Variants in FRMD6 observed in about 807,000 individuals in gnomAD.
FRMD6 encodes FERM domain-containing protein 6.
In FRMD6, 37 loss-of-function variants were observed where a neutral mutation model predicts 73.2. The ratio of observed to expected loss-of-function variants is 0.51; its 90% CI spans 0.39 to 0.66. The LOEUF (loss-of-function observed/expected upper bound fraction) is 0.66. Ranked by LOEUF, FRMD6 falls within the 30% of genes least tolerant of loss-of-function variation. FRMD6 has a pLI of 0.00. For missense variants in FRMD6, 714 were observed against 780.5 expected (o/e 0.91, Z 1.02); for synonymous variants, 273 against 282.2 (o/e 0.97, Z 0.33).
At chr14:51,526,005 A>C (rs1885235001) in intron 1 of FRMD6, among the ~76,000 whole-genome samples, 2 of 152,192 alleles carry the variant, frequency 1.3e-5, no homozygotes, top group Admixed American at 1.3e-4. Context: ...GAGGCTAAGG[A>C]GTGACATCTA....
intron 1 of FRMD6, among the ~76,000 whole-genome samples, chr14:51,531,993 G>T (rs747628883): frequency 6.6e-6 from 1 of 152,070 alleles, no homozygotes; most frequent in African/African-American, 2.4e-5. Flanking sequence ...CTTTTCCAGG[G>T]AGTCAGTTGT....
intron 2 of FRMD6, among the ~76,000 whole-genome samples, chr14:51,622,639 C>T (rs1386249321): frequency 6.6e-6 from 1 of 152,210 alleles, no homozygotes; most frequent in Non-Finnish European, 1.5e-5. Context: ...AACACACATA[C>T]AGAGTGCCTG....
chr14:51,539,629 C>A (rs1886094340), intron 1 of FRMD6, among the ~76,000 whole-genome samples: 1 of 152,066 alleles, frequency 6.6e-6, no homozygotes, highest in African/African-American at 2.4e-5. Context: ...CAATTACATT[C>A]CAGAATGGAA....
At chr14:51,633,508 C>T (rs1018826050) in intron 2 of FRMD6, among the ~76,000 whole-genome samples, 4 of 139,454 alleles carry the variant, frequency 2.9e-5, no homozygotes, top group Admixed American at 8.1e-5. Flanking sequence ...GGCTGAGAAA[C>T]GAGGATCACC....
At chr14:51,498,171 A>G (rs1267346450) in intron 1 of FRMD6, among the ~76,000 whole-genome samples, 1 of 152,234 alleles carries the variant, frequency 6.6e-6, no homozygotes, top group Non-Finnish European at 1.5e-5. Flanking sequence ...TAAAAACAAA[A>G]AACTATTTTA....
At position 51,727,909 on chromosome 14, in the gene FRMD6, T is replaced by A. The variant is rs199566439; in HGVS notation, c.1749T>A (p.Tyr583Ter). The change falls in exon 14 of 14, where the codon TAT (tyrosine) becomes TAA (stop). Residue 583 changes from tyrosine (Y) to a stop codon, truncating the protein, a stop_gained. Transcript: ENST00000344768. LOFTEE classifies it high-confidence loss of function. ...ATGAACTGGATGAGGAAGGCCTCTA[T>A]TGCAACAGTTGCTTGGCCCAGCAGT... ...CGHELDEEGL[Y>*]CNSCLAQQCI... 1 of 1,614,204 alleles carries A rather than the reference T, an allele frequency of 6.2e-7. No homozygotes were observed. The highest frequency in any genetic ancestry group is 1.1e-5 in the South Asian group (1 of 91,088).
chr14:51,675,665 C>T (rs1325299039), intron 1 of FRMD6, among the ~76,000 whole-genome samples: 1 of 152,086 alleles, frequency 6.6e-6, no homozygotes, highest in Non-Finnish European at 1.5e-5. Context: ...AAGTCTTGTT[C>T]GATTTTCCAG....
chr14:51,465,891 A>G, the FRMD6 span, among the ~76,000 whole-genome samples: 1 of 152,228 alleles, frequency 6.6e-6, no homozygotes, highest in East Asian at 1.9e-4. Flanking sequence ...ACTGCTCTCC[A>G]AAGTGGTTGT....
At chr14:51,416,131 G>GT in the FRMD6 span, among the ~76,000 whole-genome samples, 15 of 152,116 alleles carry the variant, frequency 9.9e-5, no homozygotes, top group African/African-American at 3.1e-4. Flanking sequence ...TTTTTGAAGG[G>GT]TTTTTTGTGT....
chr14:51,529,670 C>T (rs74052346), intron 1 of FRMD6, among the ~76,000 whole-genome samples: 2,126 of 152,330 alleles, frequency 0.014, 54 homozygotes, highest in African/African-American at 0.049. Flanking sequence ...CTAGTCCCAG[C>T]ATCTCCCGAT....
At chr14:51,643,698 A>C (rs1183258537) in intron 2 of FRMD6, 1 of 152,280 alleles carries the variant, frequency 6.6e-6, no homozygotes, top group Non-Finnish European at 1.5e-5. Flanking sequence ...TGGACAGAGT[A>C]GTTTCCAGTC....
At chr14:51,459,039 G>A in the FRMD6 span, among the ~76,000 whole-genome samples, 2 of 152,192 alleles carry the variant, frequency 1.3e-5, no homozygotes, top group Non-Finnish European at 2.9e-5. Flanking sequence ...ACGGAGCATC[G>A]GAGATGCACA....
intron 2 of FRMD6, among the ~76,000 whole-genome samples, chr14:51,696,327 T>C (rs922928421): frequency 2.6e-5 from 4 of 151,464 alleles, no homozygotes; most frequent in African/African-American, 9.7e-5. Context: ...GCAGAATTAC[T>C]GTCCTCCATA....
intron 2 of FRMD6, among the ~76,000 whole-genome samples, chr14:51,586,809 G>A (rs1889076973): frequency 6.6e-6 from 1 of 151,990 alleles, no homozygotes; most frequent in Non-Finnish European, 1.5e-5. Context: ...AGTGGCATGA[G>A]CATGGCTCAC....
the FRMD6 span, chr14:51,436,155 G>T: frequency 3.8e-6 from 1 of 264,580 alleles, no homozygotes; most frequent in South Asian, 4.6e-5. Flanking sequence ...GGGAGAAGAA[G>T]AGCAAGAAGC....
intron 2 of FRMD6, among the ~76,000 whole-genome samples, chr14:51,641,783 T>C (rs896738087): frequency 5.3e-5 from 8 of 152,190 alleles, no homozygotes; most frequent in African/African-American, 1.2e-4. Context: ...TTCTGTCCCC[T>C]GTGTTGTAGG....
intron 1 of FRMD6, among the ~76,000 whole-genome samples, chr14:51,545,212 A>C (rs566489150): frequency 1.6e-4 from 25 of 152,250 alleles, no homozygotes; most frequent in Admixed American, 1.3e-3. Flanking sequence ...CAAGCATCAT[A>C]TTTAATATCA....
intron 2 of FRMD6, among the ~76,000 whole-genome samples, chr14:51,587,680 A>G (rs1889131550): frequency 6.6e-6 from 1 of 152,200 alleles, no homozygotes; most frequent in Non-Finnish European, 1.5e-5. Context: ...TAAAAAGGCC[A>G]GGACCAAACC....
At chr14:51,547,923 T>C (rs982723773) in intron 1 of FRMD6, 1 of 151,246 alleles carries the variant, frequency 6.6e-6, no homozygotes, top group African/African-American at 2.4e-5. Flanking sequence ...TCTTTTGTAA[T>C]TGAACTAGAA....
Sources: allele counts gnomAD v4.1 joint callset (sites outside exome capture counted in the v4.1 genomes callset), GRCh38; gene constraint gnomAD v4.1.1; transcripts MANE v1.5; gene names NCBI Gene and HGNC (gene_info 2026-07-23, HGNC 2026-07-21).